The following PARP12 variants were observed in gnomAD, a reference collection of about 807,000 sequenced individuals.
PARP12 encodes protein mono-ADP-ribosyltransferase PARP12.
In PARP12, 59 loss-of-function variants were observed where a neutral mutation model predicts 72.4. The ratio of observed to expected loss-of-function variants is 0.81; its 90% CI spans 0.66 to 1.01. PARP12 has a LOEUF of 1.01. Among genes scored for constraint, PARP12 ranks in the 50% least tolerant of loss-of-function variants. The pLI, the probability that PARP12 is intolerant of heterozygous loss-of-function variation, is 0.00. For missense variants in PARP12, 851 were observed against 914.0 expected, an observed-to-expected ratio of 0.93 and a Z score of 0.89; for synonymous variants, 403 against 371.4, an observed-to-expected ratio of 1.09 and a Z score of -0.98.
chr7:140,041,991 T>C, intron 5 of PARP12, 152 bp from the exon 6 acceptor site: 1 of 629,968 alleles, frequency 1.6e-6, no homozygotes, highest in Non-Finnish European at 2.7e-6. Flanking sequence ...AACTGCTTTT[T>C]CAGATCAGTT....
intron 5 of PARP12, among the ~76,000 whole-genome samples, chr7:140,043,429 A>T (rs571645354): frequency 2.0e-5 from 3 of 152,312 alleles, no homozygotes; most frequent in East Asian, 3.9e-4. Context: ...TGACTGGGTA[A>T]ATTTAAGGAA....
At chr7:140,026,370 T>C (rs756451107) in intron 10 of PARP12, 22 bp from the exon 11 acceptor site, 2 of 1,599,348 alleles carry the variant, frequency 1.3e-6, no homozygotes, top group Non-Finnish European at 8.5e-7. Context: ...GAAGAATGTG[T>C]GCTGGGGGCA....
chr7:140,046,099 T>G (rs1220429986), intron 5 of PARP12, among the ~76,000 whole-genome samples: 1 of 152,256 alleles, frequency 6.6e-6, no homozygotes, highest in African/African-American at 2.4e-5. Context: ...CTGAACTGTA[T>G]GCTTAATATC....
chr7:140,054,564 G>T, intron 4 of PARP12, 98 bp downstream of exon 4: 1 of 1,009,018 alleles, frequency 9.9e-7, no homozygotes, highest in Non-Finnish European at 1.5e-6. Flanking sequence ...TCCGGATGGG[G>T]TAGAGGTTTG....
rs1569526191 is a variant in PARP12, at chr7:140,024,776, G to GC, written c.1889dup (p.Asn631GlnfsTer19). ...CCGGCGGACGGACAAAGGAGGCATT[G>GC]CCCCTGACGAACTCGCCCACCAGCA... On this transcript the variant is annotated frameshift_variant, in exon 12 of 12. Transcript: ENST00000263549. LOFTEE classifies it low-confidence loss of function (END_TRUNC). The GC allele has an allele frequency of 6.2e-7, 1 of 1,614,202 alleles. No individual in the cohort carries two copies. Among genetic ancestry groups the GC allele is most frequent in the Non-Finnish European group, 8.5e-7 (1 of 1,180,032 alleles).
At chr7:140,041,606 T>G (rs1585096384) in intron 6 of PARP12, 38 bp downstream of exon 6, 1 of 1,584,488 alleles carries the variant, frequency 6.3e-7, no homozygotes, top group East Asian at 2.2e-5. Context: ...TTACAGATCC[T>G]CAGGACAAAA....
rs373376223 is a variant in PARP12 at position 140,024,615 on chromosome 7, G to A, written c.2051C>T (p.Ser684Leu). The change falls in exon 12 of 12, where the codon TCG (serine) becomes TTG (leucine). Residue 684 changes from serine to leucine, a missense_variant. Around this residue, in one of 3 missense-constraint regions of PARP12, gnomAD observed 347 missense variants for 396.1 expected, o/e 0.88. Coordinates refer to ENST00000263549, the MANE Select transcript of PARP12 (RefSeq NM_022750.4). ...GGCCAGCAGGATGGAGGGTGTGACCGAGGGCTTGGAGGAGGTGGTGTACTG... is the reference window on the plus strand; with the variant it reads ...GGCCAGCAGGATGGAGGGTGTGACCAAGGGCTTGGAGGAGGTGGTGTACTG... ...VIQYTTSSKPSVTPSILLALG... is the reference protein window; with the variant it reads ...VIQYTTSSKPLVTPSILLALG... 1.4e-5 allele frequency: 22 copies of A among 1,614,084 alleles called. No individual in the cohort carries two copies. The highest frequency in any genetic ancestry group is 1.9e-5 in the Non-Finnish European group (22 of 1,180,036).
chr7:140,050,546 A>G (rs1025609696), intron 4 of PARP12, among the ~76,000 whole-genome samples: 1 of 152,226 alleles, frequency 6.6e-6, no homozygotes, highest in African/African-American at 2.4e-5. Context: ...CAACAGGTAT[A>G]CGGGATTCTC....
At position 140,026,260 on chromosome 7, in the gene PARP12, C is replaced by T. The variant is rs1248682011; in HGVS notation, c.1717G>A (p.Ala573Thr). 9 of 1,614,040 alleles carry T rather than the reference C, an allele frequency of 5.6e-6. No homozygotes were observed. Among genetic ancestry groups the T allele is most frequent in the South Asian group, 1.1e-5 (1 of 91,086 alleles). Residue 573 changes from alanine (A) to threonine (T), a missense_variant, in exon 11 of 12, where the codon GCC becomes ACC. Transcript: ENST00000263549. ...FHGTSAIFVDAICQQNFDWRV... is the reference protein window; with the variant it reads ...FHGTSAIFVDTICQQNFDWRV... ...CAGTCAAAGTTCTGCTGGCAGATGG[C>T]GTCCACAAAAATGGCGCTGGTGCCG...
At chr7:140,054,497 C>T (rs1172754704) in intron 4 of PARP12, among the ~76,000 whole-genome samples, 165 bp downstream of exon 4, 1 of 152,242 alleles carries the variant, frequency 6.6e-6, no homozygotes, top group African/African-American at 2.4e-5. Context: ...CCATCTTCAA[C>T]TCCCCAACAA....
chr7:140,053,658 A>C (rs1285871344), intron 4 of PARP12, among the ~76,000 whole-genome samples: 6 of 152,148 alleles, frequency 3.9e-5, no homozygotes, highest in Non-Finnish European at 8.8e-5. Flanking sequence ...ATATTCCTTG[A>C]CCTATCATTC....
chr7:140,059,312 TG>T (rs931500182), intron 1 of PARP12, among the ~76,000 whole-genome samples: 57 of 151,810 alleles, frequency 3.8e-4, no homozygotes, highest in African/African-American at 1.4e-3. Flanking sequence ...TCAATGAGCA[TG>T]GCATCTTATC....
At position 140,041,683 on chromosome 7, in the gene PARP12, C is replaced by A; in HGVS notation, c.1143G>T (p.Trp381Cys). The A allele has an allele frequency of 1.2e-6, 2 of 1,614,148 alleles. No individual in the cohort carries two copies. The highest frequency in any genetic ancestry group is 2.2e-5 in the South Asian group (2 of 91,066). Reference protein sequence around the residue: ...FILTTDWIWYWSDEFGSWQEY... With the variant: ...FILTTDWIWYCSDEFGSWQEY... ...CCTGCCAAGAACCAAACTCATCACT[C>A]CAGTACCAAATCCAGTCAGTGGTGA... Residue 381 changes from tryptophan to cysteine, a missense_variant, in exon 6 of 12, where the codon TGG becomes TGT. By Grantham distance (215) the Trp-to-Cys change is radical. This residue lies in a region of PARP12 where 12 missense variants were observed against 28.6 expected (regional missense o/e 0.42). Coordinates refer to ENST00000263549, the MANE Select transcript of PARP12 (RefSeq NM_022750.4).
chr7:140,046,997 A>G lies in PARP12; in HGVS notation c.873T>C (p.His291=). The G allele has an allele frequency of 6.2e-7, 1 of 1,612,682 alleles. No individual in the cohort carries two copies. Among genetic ancestry groups the G allele is most frequent in the East Asian group, 2.2e-5 (1 of 44,868 alleles). ...RKSCSFQDKC[H]RVHFHLPYRW... is the part of the protein sequence containing the mutation. Reference sequence around the variant, plus strand: ...GATACGGCAAATGGAAATGAACTCTATGGCACTTATCTGAAATAAAAACAT... The same window carrying G: ...GATACGGCAAATGGAAATGAACTCTGTGGCACTTATCTGAAATAAAAACAT... The change falls in exon 5 of 12, where the codon CAT becomes CAC. Residue 291 remains histidine, a synonymous_variant. Transcript: ENST00000263549.
At chr7:140,052,206 A>G (rs1475670298) in intron 4 of PARP12, among the ~76,000 whole-genome samples, 2 of 152,212 alleles carry the variant, frequency 1.3e-5, no homozygotes, top group Non-Finnish European at 2.9e-5. Context: ...TTTGGCACTC[A>G]TAGAGTGGAA....
chr7:140,024,384 CAAAAGTGACTTA>C lies in PARP12; in HGVS notation c.*164_*175del, dbSNP rs1339202986. 1 of 799,402 alleles carries C rather than the reference CAAAAGTGACTTA, an allele frequency of 1.3e-6. No individual in the cohort carries two copies. Among genetic ancestry groups the C allele is most frequent in the Admixed American group, 2.2e-5 (1 of 44,820 alleles). 49.5% of individuals were successfully genotyped at this position (799,402 alleles called of 1,614,324 possible). A position where few individuals can be genotyped will look rare whatever the true frequency, so the allele number is the denominator to read the frequency against. The stretch of plus-strand genomic sequence containing the variant: ...CTTCTGGTTAATCCACTAGTGAACC[CAAAAGTGACTTA>C]AAAGTAAAAATCATTATTAGCAAGA... On this transcript the variant is annotated 3_prime_UTR_variant, in exon 12 of 12. Coordinates refer to ENST00000263549, the MANE Select transcript of PARP12 (RefSeq NM_022750.4).
At position 140,028,522 on chromosome 7, in the gene PARP12, C is replaced by T. The variant is rs555163099; in HGVS notation, c.1497+91G>A. 9.3e-5 allele frequency: 107 copies of T among 1,145,190 alleles called. 1 individual carries two copies. In the South Asian group the frequency reaches 1.3e-3, roughly 14 times the overall value. 70.9% of individuals were successfully genotyped at this position (1,145,190 alleles called of 1,614,324 possible). A position where few individuals can be genotyped will look rare whatever the true frequency, so the allele number is the denominator to read the frequency against. ...CCAATTAGCCCCAGCCTTACAGCTTCTTCAGTGTTGAGGAATGGCACAGTC... is the reference window on the plus strand; with the variant it reads ...CCAATTAGCCCCAGCCTTACAGCTTTTTCAGTGTTGAGGAATGGCACAGTC... On this transcript the variant is annotated intron_variant, in intron 9 of 11. Coordinates refer to ENST00000263549, the MANE Select transcript of PARP12 (RefSeq NM_022750.4).
In PARP12 at chr7:140,037,754, A is replaced by C. The variant is rs1816268727; in HGVS notation, c.1285T>G (p.Phe429Val). The change falls in exon 7 of 12, where the codon TTC becomes GTC. Residue 429 changes from phenylalanine to valine, a missense_variant. Physicochemically the swap from Phe to Val is conservative, Grantham distance 50. This residue lies in a region of PARP12 where 347 missense variants were observed against 396.1 expected (regional missense o/e 0.88). Coordinates refer to ENST00000263549, the MANE Select transcript of PARP12 (RefSeq NM_022750.4). ...TCGTAGTTGTGCTTTCCGGCCTGGA[A>C]CTTCAAGGTGGCTGCCTGGCCGTCA... ...GSDGQAATLK[F>V]QAGKHNYELD... is the part of the protein sequence containing the mutation. 1 of 1,614,054 alleles carries C rather than the reference A, an allele frequency of 6.2e-7. No homozygotes were observed. Among genetic ancestry groups the C allele is most frequent in the Non-Finnish European group, 8.5e-7 (1 of 1,180,008 alleles).
chr7:140,041,330 T>A (rs1237681331), intron 6 of PARP12: 2 of 249,514 alleles, frequency 8.0e-6, no homozygotes, highest in Non-Finnish European at 1.6e-5. Context: ...GGGGTTAAGT[T>A]ACCTGTTCAA....
Sources: allele counts gnomAD v4.1 joint callset (sites outside exome capture counted in the v4.1 genomes callset), GRCh38; gene constraint gnomAD v4.1.1; regional missense constraint gnomAD v4.1.1; transcripts MANE v1.5; gene names NCBI Gene and HGNC (gene_info 2026-07-23, HGNC 2026-07-21).